EXT2: variants seen among roughly 807,000 people sequenced by gnomAD.
EXT2 encodes exostosin-2.
Under a neutral mutation model 81.6 loss-of-function variants are expected in EXT2, and 53 were observed. The observed-to-expected ratio is 0.65, with a 90% CI of 0.52 to 0.82. The LOEUF (loss-of-function observed/expected upper bound fraction) is 0.82, where lower values mean the gene tolerates loss of function less well. Among genes scored for constraint, EXT2 ranks in the 40% least tolerant of loss-of-function variants. The probability of loss-of-function intolerance (pLI) is 0.00; values close to 1 mark genes in which losing one functional copy is unlikely to be tolerated. For missense variants in EXT2, 774 were observed against 910.2 expected, an observed-to-expected ratio of 0.85 and a Z score of 1.93; for synonymous variants, 320 against 340.0, an observed-to-expected ratio of 0.94 and a Z score of 0.65.
intron 7 of EXT2, among the ~76,000 whole-genome samples, chr11:44,152,975 G>A (rs564782668): frequency 6.6e-6 from 1 of 152,220 alleles, no homozygotes; most frequent in African/African-American, 2.4e-5. Flanking sequence ...TTCTGACTTT[G>A]TTCTTCAATA....
Position 44,237,919 on chromosome 11 carries a change from A to C in EXT2, c.2018+1544A>C, listed in dbSNP as rs1826714. Among the ~76,000 whole-genome samples the C allele has an allele frequency of 1.7e-3, 241 of 141,884 alleles. 5 individuals carry two copies. The highest frequency in any genetic ancestry group is 3.0e-3 in the East Asian group (14 of 4,670). 93.1% of individuals were successfully genotyped at this position (141,884 alleles called of 152,430 possible). A position where few individuals can be genotyped will look rare whatever the true frequency, so the allele number is the denominator to read the frequency against. ...TCTCTACTTAAAAAAAAAAAAAAAA[A>C]AAAAAAAAAAACATACAAAGTTAGC... is the stretch of plus-strand genomic sequence containing the variant. On this transcript the variant is annotated intron_variant, in intron 13 of 13. Coordinates refer to ENST00000533608, the MANE Select transcript of EXT2 (RefSeq NM_207122.2).
chr11:44,146,572 A>C (rs1180191974), intron 7 of EXT2, among the ~76,000 whole-genome samples: 1 of 152,200 alleles, frequency 6.6e-6, no homozygotes, highest in Non-Finnish European at 1.5e-5. Context: ...TGAAACACTG[A>C]GAACCGGCCT....
At chr11:44,226,183 C>G (rs1955836469) in intron 10 of EXT2, among the ~76,000 whole-genome samples, 1 of 152,202 alleles carries the variant, frequency 6.6e-6, no homozygotes, top group Admixed American at 6.5e-5. Flanking sequence ...GTACCAACCT[C>G]TAGCCAGACT....
intron 10 of EXT2, among the ~76,000 whole-genome samples, chr11:44,226,564 A>G (rs1393682089): frequency 6.6e-6 from 1 of 152,210 alleles, no homozygotes; most frequent in Non-Finnish European, 1.5e-5. Flanking sequence ...CAGTCCCTCC[A>G]TTCCACTTCA....
Position 44,247,849 on chromosome 11 carries a change from G to C in EXT2, c.*3562G>C, listed in dbSNP as rs1205560637. The stretch of plus-strand genomic sequence containing the variant: ...GGCACCATGCCAGGAGGAAACTAGA[G>C]CGTCTTTATCACTGAAAGATAGCAC... On this transcript the variant is annotated 3_prime_UTR_variant, in exon 14 of 14. Transcript: ENST00000533608. Among the ~76,000 whole-genome samples, 1 of 152,228 alleles carries C rather than the reference G, an allele frequency of 6.6e-6. No homozygotes were observed. The highest frequency in any genetic ancestry group is 1.5e-5 in the Non-Finnish European group (1 of 68,048).
rs371019186 is a variant in EXT2, at chr11:44,213,024, G to T, written c.1662+6065G>T. Among the ~76,000 whole-genome samples, 63 of 152,028 alleles carry T rather than the reference G, an allele frequency of 4.1e-4. 1 individual carries two copies. The South Asian group carries it at 9.8e-3, about 24-fold the overall frequency. ...CTCAATGAATTATACCTTTAAAATT[G>T]ATAGTTTTTATTGTAAGTAAACTCT... is the stretch of plus-strand genomic sequence containing the variant. On this transcript the variant is annotated intron_variant, in intron 10 of 13. Coordinates refer to ENST00000533608, the MANE Select transcript of EXT2 (RefSeq NM_207122.2).
At chr11:44,097,016 A>C (rs183824944) in intron 1 of EXT2, among the ~76,000 whole-genome samples, 1 of 152,194 alleles carries the variant, frequency 6.6e-6, no homozygotes, top group Admixed American at 6.5e-5. Flanking sequence ...ATGGATAATC[A>C]GTTTTGGGGC....
At chr11:44,236,398 G>A (rs1955965512) in intron 13 of EXT2, 23 bp downstream of exon 13, 8 of 1,609,700 alleles carry the variant, frequency 5.0e-6, no homozygotes, top group Non-Finnish European at 5.1e-6. Flanking sequence ...CCAACCAAAA[G>A]TGCGCCTTAG....
intron 7 of EXT2, among the ~76,000 whole-genome samples, chr11:44,143,253 T>C (rs1954669806): frequency 6.6e-6 from 1 of 152,234 alleles, no homozygotes; most frequent in Non-Finnish European, 1.5e-5. Flanking sequence ...CACCTGGCCT[T>C]GGAAATACTT....
At chr11:44,192,858 A>G (rs146464091) in intron 8 of EXT2, among the ~76,000 whole-genome samples, 7 of 152,358 alleles carry the variant, frequency 4.6e-5, no homozygotes, top group African/African-American at 1.7e-4. Flanking sequence ...AAGTATGTAT[A>G]AAATGAGTTA....
chr11:44,229,658 G>A (rs1166617467), intron 10 of EXT2, among the ~76,000 whole-genome samples: 2 of 152,248 alleles, frequency 1.3e-5, no homozygotes, highest in East Asian at 3.8e-4. Flanking sequence ...ATGTGCTTTA[G>A]TGGGGAATTA....
At chr11:44,175,314 G>A (rs997644317) in intron 8 of EXT2, among the ~76,000 whole-genome samples, 24 of 152,024 alleles carry the variant, frequency 1.6e-4, no homozygotes, top group African/African-American at 5.1e-4. Flanking sequence ...GGTGAGGATG[G>A]TATTGGCGTC....
At chr11:44,162,596 A>AAAAAG (rs1954942200) in intron 7 of EXT2, among the ~76,000 whole-genome samples, 1 of 151,166 alleles carries the variant, frequency 6.6e-6, no homozygotes, top group Non-Finnish European at 1.5e-5. Flanking sequence ...AAAAAAAAAA[A>AAAAAG]GCAGTTACCA....
chr11:44,179,177 A>G (rs1255356103), intron 8 of EXT2, among the ~76,000 whole-genome samples: 1 of 152,188 alleles, frequency 6.6e-6, no homozygotes, highest in East Asian at 1.9e-4. Flanking sequence ...GGGAGGATAG[A>G]TAAAGAATAT....
chr11:44,192,715 G>A (rs1955408153), intron 8 of EXT2, among the ~76,000 whole-genome samples: 1 of 152,128 alleles, frequency 6.6e-6, no homozygotes, highest in Non-Finnish European at 1.5e-5. Context: ...TTTTACAGAT[G>A]AGGAAACTGA....
rs1956137376 is a variant in EXT2, at chr11:44,251,481, A to C, written c.*7194A>C. Among the ~76,000 whole-genome samples, 1 of 152,184 alleles carries C rather than the reference A, an allele frequency of 6.6e-6. No individual in the cohort carries two copies. The highest frequency in any genetic ancestry group is 2.1e-4 in the South Asian group (1 of 4,818). On this transcript the variant is annotated 3_prime_UTR_variant, in exon 14 of 14. Coordinates refer to ENST00000533608, the MANE Select transcript of EXT2 (RefSeq NM_207122.2). ...TTCTTTTAGGCCTTAACAGCACAATAAAAGTATCCCATGAGACCATTATGA... is the reference window on the plus strand; with the variant it reads ...TTCTTTTAGGCCTTAACAGCACAATCAAAGTATCCCATGAGACCATTATGA...
intron 13 of EXT2, among the ~76,000 whole-genome samples, chr11:44,237,788 G>T (rs1274891687): frequency 6.6e-6 from 1 of 151,892 alleles, no homozygotes; most frequent in Non-Finnish European, 1.5e-5. Context: ...TGAGAGCCAG[G>T]TGTGGTGGCT....
intron 10 of EXT2, among the ~76,000 whole-genome samples, chr11:44,224,185 A>G (rs928161427): frequency 2.6e-5 from 4 of 152,226 alleles, no homozygotes; most frequent in Admixed American, 6.5e-5. Flanking sequence ...TTGGGAGCTT[A>G]GTATCTGTGA....
chr11:44,108,551 A>G (rs545606746), intron 2 of EXT2, among the ~76,000 whole-genome samples: 1 of 152,308 alleles, frequency 6.6e-6, no homozygotes, highest in South Asian at 2.1e-4. Context: ...AAATCTAAAT[A>G]TGCTACCACC....
Sources: allele counts gnomAD v4.1 joint callset (sites outside exome capture counted in the v4.1 genomes callset), GRCh38; gene constraint gnomAD v4.1.1; transcripts MANE v1.5; gene names NCBI Gene and HGNC (gene_info 2026-07-23, HGNC 2026-07-21).